The following KCNA2 variants were observed in gnomAD, a reference collection of about 807,000 sequenced individuals.
KCNA2 encodes the protein potassium voltage-gated channel subfamily A member 2, also known as potassium channel, voltage gated shaker related subfamily A, member 2.
KCNA2 carries 11 observed loss-of-function variants against 33.4 expected under a neutral mutation model. The ratio of observed to expected loss-of-function variants is 0.33; its 90% CI spans 0.21 to 0.55. The LOEUF (loss-of-function observed/expected upper bound fraction) is 0.55, where lower values mean the gene tolerates loss of function less well. Among genes scored for constraint, KCNA2 ranks in the 20% least tolerant of loss-of-function variants. KCNA2 has a pLI of 0.93. For synonymous variants in KCNA2, 222 were observed against 231.3 expected, an observed-to-expected ratio of 0.96 and a Z score of 0.37; for missense variants, 291 against 621.6, an observed-to-expected ratio of 0.47 and a Z score of 5.66.
At chr1:110,607,137 GC>G (rs1483639510), upstream of KCNA2, 3 of 152,230 alleles carry the variant, frequency 2.0e-5, no homozygotes, top group African/African-American at 7.2e-5. Flanking sequence ...CGCGGACTCA[GC>G]CCAAGCCTGC....
At chr1:110,626,531 A>G (rs1333780756) in intron 1 of KCNA2, among the ~76,000 whole-genome samples, 6 of 152,202 alleles carry the variant, frequency 3.9e-5, no homozygotes, top group Admixed American at 2.0e-4. Flanking sequence ...GAGACATCTC[A>G]GTGTGTACCT....
At chr1:110,631,171 T>C (rs1650548986) in intron 1 of KCNA2, among the ~76,000 whole-genome samples, 1 of 152,162 alleles carries the variant, frequency 6.6e-6, no homozygotes, top group African/African-American at 2.4e-5. Context: ...GTGCCTTCCT[T>C]TAGCCTCCAT....
intron 1 of KCNA2, among the ~76,000 whole-genome samples, chr1:110,622,882 T>C (rs1650295823): frequency 6.6e-6 from 1 of 152,160 alleles, no homozygotes; most frequent in Admixed American, 6.5e-5. Flanking sequence ...GAAGATAATA[T>C]TGTCAAGACA....
intron 1 of KCNA2, among the ~76,000 whole-genome samples, chr1:110,615,498 C>A (rs1223280179): frequency 6.6e-6 from 1 of 152,200 alleles, no homozygotes; most frequent in Non-Finnish European, 1.5e-5. Context: ...CCCAAACTCT[C>A]CTGCTATGAG....
At chr1:110,613,041 T>C (rs1270276472) in intron 1 of KCNA2, among the ~76,000 whole-genome samples, 1 of 152,178 alleles carries the variant, frequency 6.6e-6, no homozygotes, top group African/African-American at 2.4e-5. Flanking sequence ...AATGAGATAG[T>C]GGGCACAAGG....
chr1:110,623,233 C>G (rs3908929), intron 1 of KCNA2, among the ~76,000 whole-genome samples: 124,741 of 152,152 alleles, frequency 0.82, 51,229 homozygotes, highest in Non-Finnish European at 0.83. Context: ...AAATGGCGCT[C>G]GAACAACTGA....
At position 110,594,584 on chromosome 1, in the gene KCNA2, T is replaced by C. The variant is rs1430502740; in HGVS notation, c.*8699A>G. 3.0e-6 allele frequency: 3 copies of C among 985,218 alleles called. No homozygotes were observed. The highest frequency in any genetic ancestry group is 3.6e-6 in the Non-Finnish European group (3 of 829,946). The allele number at this position is 985,218 out of a possible 1,614,324, so 61.0% of individuals were successfully genotyped here. A position where few individuals can be genotyped will look rare whatever the true frequency, so the allele number is the denominator to read the frequency against. On this transcript the variant is annotated 3_prime_UTR_variant, in exon 3 of 3. Coordinates refer to ENST00000316361, the MANE Select transcript of KCNA2 (RefSeq NM_004974.4). ...GGAAGAGGCCAATTTGGCTGGGGTA[T>C]TGTTTGCTCAGCAGGCTAGAGCTTG...
intron 1 of KCNA2, among the ~76,000 whole-genome samples, chr1:110,614,979 A>G (rs1413328163): frequency 1.3e-5 from 2 of 152,236 alleles, no homozygotes; most frequent in Non-Finnish European, 1.5e-5. Context: ...AATCCTGCAA[A>G]CATTCCAAAC....
intron 1 of KCNA2, among the ~76,000 whole-genome samples, chr1:110,611,359 A>C (rs574042849): frequency 6.6e-6 from 1 of 152,182 alleles, no homozygotes; most frequent in Non-Finnish European, 1.5e-5. Flanking sequence ...GGGCCCCTTC[A>C]TGGAGGCCTG....
rs1359317449 is a variant in KCNA2, at chr1:110,595,766, T to G, written c.*7517A>C. The G allele has an allele frequency of 6.1e-6, 6 of 985,320 alleles. No homozygotes were observed. Among genetic ancestry groups the G allele is most frequent in the Non-Finnish European group, 7.2e-6 (6 of 829,936 alleles). The allele number at this position is 985,320 out of a possible 1,614,324, so 61.0% of individuals were successfully genotyped here. On this transcript the variant is annotated 3_prime_UTR_variant, in exon 3 of 3. Transcript: ENST00000316361. The stretch of plus-strand genomic sequence containing the variant: ...TAGTCATAATAAAAAACAGAATGGA[T>G]TTGTTAGTTCCATTGATTGCCACAA...
chr1:110,602,105 G>A lies in KCNA2; in HGVS notation c.*1178C>T. The A allele has an allele frequency of 6.4e-7, 1 of 1,550,572 alleles. No homozygotes were observed. Among genetic ancestry groups the A allele is most frequent in the Non-Finnish European group, 8.7e-7 (1 of 1,146,994 alleles). On this transcript the variant is annotated 3_prime_UTR_variant, in exon 3 of 3. Coordinates refer to ENST00000316361, the MANE Select transcript of KCNA2 (RefSeq NM_004974.4). Reference sequence around the variant, plus strand: ...CGACTAGGTTAATTCCTAAGGTGCAGTCATGTGAGGTGTTCAGATGCTGCC... The same window carrying A: ...CGACTAGGTTAATTCCTAAGGTGCAATCATGTGAGGTGTTCAGATGCTGCC...
At chr1:110,607,116 G>A (rs915841647), upstream of KCNA2, 4 of 152,286 alleles carry the variant, frequency 2.6e-5, no homozygotes, top group African/African-American at 9.6e-5. Context: ...TGGTCGGCAA[G>A]GGCTTGCCGC....
chr1:110,603,515 C>T lies in KCNA2; in HGVS notation c.1268G>A (p.Gly423Glu). Residue 423 changes from glycine (G) to glutamate (E), a missense_variant, in exon 3 of 3, where the codon GGA becomes GAA. Physicochemically the swap from Gly to Glu is moderately conservative, Grantham distance 98. This residue lies in a region of KCNA2 where 65 missense variants were observed against 95.1 expected (regional missense o/e 0.68). Transcript: ENST00000316361. This position sits in a 1 kb window ranked among gnomAD's most constrained non-coding sequence, Gnocchi z 5.7. ...TTGCAAGTATTGGGCCTGTTCCTCT[C>T]CCTCTGTCTCCCGGTGGTAGAAGTA... ...FNYFYHRETE[G>E]EEQAQYLQVT... 1 of 1,614,088 alleles carries T rather than the reference C, an allele frequency of 6.2e-7. No individual in the cohort carries two copies. The highest frequency in any genetic ancestry group is 8.5e-7 in the Non-Finnish European group (1 of 1,180,022).
Position 110,601,165 on chromosome 1 carries a change from GC to G in KCNA2, c.*2117del. 1.0e-6 allele frequency: 1 copy of G among 985,452 alleles called. No homozygotes were observed. The highest frequency in any genetic ancestry group is 1.7e-5 in the African/African-American group (1 of 57,332). The allele number at this position is 985,452 out of a possible 1,614,324, so 61.0% of individuals were successfully genotyped here. On this transcript the variant is annotated 3_prime_UTR_variant, in exon 3 of 3. Coordinates refer to ENST00000316361, the MANE Select transcript of KCNA2 (RefSeq NM_004974.4). Reference sequence around the variant, plus strand: ...CCCATCCTTTGGTTCTTTTTAAAAAGCAGCTCTGGTTGCCAGTTTAATGGGG... The same window carrying G: ...CCCATCCTTTGGTTCTTTTTAAAAAGAGCTCTGGTTGCCAGTTTAATGGGG...
At chr1:110,620,800 G>A (rs1172141230) in intron 1 of KCNA2, among the ~76,000 whole-genome samples, 2 of 152,164 alleles carry the variant, frequency 1.3e-5, no homozygotes, top group Admixed American at 1.3e-4. Context: ...CAGCGGCCCC[G>A]TGTGTTGGAT....
chr1:110,601,928 G>T lies in KCNA2; in HGVS notation c.*1355C>A. ...TTTGTCAAAAATATTGCATAAGCTTGTACAATGTTCAAATGCAATTTCTTT... is the reference window on the plus strand; with the variant it reads ...TTTGTCAAAAATATTGCATAAGCTTTTACAATGTTCAAATGCAATTTCTTT... On this transcript the variant is annotated 3_prime_UTR_variant, in exon 3 of 3. Transcript: ENST00000316361. 1 of 1,486,664 alleles carries T rather than the reference G, an allele frequency of 6.7e-7. No homozygotes were observed. The allele number at this position is 1,486,664 out of a possible 1,614,324, so 92.1% of individuals were successfully genotyped here. A position where few individuals can be genotyped will look rare whatever the true frequency, so the allele number is the denominator to read the frequency against.
chr1:110,618,724 C>T (rs1650151984), intron 1 of KCNA2, among the ~76,000 whole-genome samples: 1 of 152,100 alleles, frequency 6.6e-6, no homozygotes, highest in Non-Finnish European at 1.5e-5. Context: ...CCTGAACCCC[C>T]ATCCCTCTGA....
intron 1 of KCNA2, among the ~76,000 whole-genome samples, chr1:110,630,379 T>A (rs115054635): frequency 8.2e-4 from 125 of 152,336 alleles, no homozygotes; most frequent in African/African-American, 2.9e-3. Flanking sequence ...ATAAATGAGT[T>A]ACTATGTATT....
In KCNA2 at chr1:110,602,727, G is replaced by A; in HGVS notation, c.*556C>T. 1.0e-6 allele frequency: 1 copy of A among 992,850 alleles called. No individual in the cohort carries two copies. Among genetic ancestry groups the A allele is most frequent in the Non-Finnish European group, 1.2e-6 (1 of 834,862 alleles). 61.5% of individuals were successfully genotyped at this position (992,850 alleles called of 1,614,324 possible). On this transcript the variant is annotated 3_prime_UTR_variant, in exon 3 of 3. Coordinates refer to ENST00000316361, the MANE Select transcript of KCNA2 (RefSeq NM_004974.4). The stretch of plus-strand genomic sequence containing the variant: ...TTCCGTTATGAAACACAAGCCTCCA[G>A]AGCATCTACTTGGCAACTGCAATTC...
Sources: gnomAD v4.1 joint callset for allele counts (sites outside exome capture counted in the v4.1 genomes callset) on GRCh38, gnomAD v4.1.1 for gene constraint, gnomAD v4.1.1 regional missense constraint, Gnocchi (gnomAD v3.1) non-coding constraint, MANE v1.5 for transcripts, NCBI Gene and HGNC (gene_info 2026-07-23, HGNC 2026-07-21) for gene names.